The following GLIS3 variants were observed in gnomAD, a reference collection of about 807,000 sequenced individuals.
GLIS3 encodes the protein GLIS family zinc finger 3, also known as zinc finger protein GLIS3.
A neutral mutation model predicts 78.6 loss-of-function variants in GLIS3; 53 were observed. That is an observed-to-expected ratio of 0.67 (90% confidence interval 0.54 to 0.85). The LOEUF is 0.85. GLIS3 is among the 40% of genes least tolerant of loss of function. The pLI, the probability that GLIS3 is intolerant of heterozygous loss-of-function variation, is 0.00. For missense variants in GLIS3, 1,703 were observed against 1,231.1 expected (o/e 1.38, Z -5.74); for synonymous variants, 684 against 509.9 (o/e 1.34, Z -4.60).
chr9:3,958,262 G>T (rs1817289522), intron 4 of GLIS3, among the ~76,000 whole-genome samples: 1 of 152,074 alleles, frequency 6.6e-6, no homozygotes, highest in Non-Finnish European at 1.5e-5. Flanking sequence ...TTTTGAAGAT[G>T]AGAGGAAGAA....
At chr9:4,175,833 G>A (rs1380592141) in intron 2 of GLIS3, among the ~76,000 whole-genome samples, 2 of 151,892 alleles carry the variant, frequency 1.3e-5, no homozygotes, top group Admixed American at 6.5e-5. Flanking sequence ...TTTTTGGTTC[G>A]GTAACCCCAT....
intron 4 of GLIS3, among the ~76,000 whole-genome samples, chr9:3,993,913 T>C (rs1820529279): frequency 6.6e-6 from 1 of 152,198 alleles, no homozygotes; most frequent in South Asian, 2.1e-4. Context: ...TGCCTTATCT[T>C]TTCTGAACAC....
At chr9:4,405,749 C>T in the GLIS3 span, among the ~76,000 whole-genome samples, 2 of 151,682 alleles carry the variant, frequency 1.3e-5, no homozygotes, top group African/African-American at 4.8e-5. Context: ...ATACCAAAAC[C>T]AGACAAAGAC....
intron 4 of GLIS3, among the ~76,000 whole-genome samples, chr9:4,039,668 C>T (rs1192559427): frequency 6.6e-6 from 1 of 152,178 alleles, no homozygotes; most frequent in Non-Finnish European, 1.5e-5. Flanking sequence ...CTGCCTGGCT[C>T]CCAGCCAGTG....
At chr9:4,227,627 T>C (rs540996022) in intron 2 of GLIS3, among the ~76,000 whole-genome samples, 3 of 152,330 alleles carry the variant, frequency 2.0e-5, no homozygotes, top group Admixed American at 6.5e-5. Context: ...AACTCTGGAA[T>C]GTATAAAGTC....
intron 6 of GLIS3, among the ~76,000 whole-genome samples, chr9:3,917,186 G>T (rs983236270): frequency 2.0e-5 from 3 of 152,204 alleles, no homozygotes; most frequent in Non-Finnish European, 2.9e-5. Flanking sequence ...CTACCACAAA[G>T]TTAACTTAAC....
chr9:4,150,688 C>T (rs997618144), intron 2 of GLIS3, among the ~76,000 whole-genome samples: 6 of 152,138 alleles, frequency 3.9e-5, no homozygotes, highest in Non-Finnish European at 8.8e-5. Context: ...CTGCCCCCAC[C>T]ATGCTTTGAA....
intron 4 of GLIS3, among the ~76,000 whole-genome samples, chr9:4,039,716 C>G (rs963367985): frequency 6.6e-6 from 1 of 152,190 alleles, no homozygotes; most frequent in Admixed American, 6.5e-5. Context: ...TATGTGTTTT[C>G]CTCTACAATC....
chr9:4,019,845 G>GA (rs1822734816), intron 4 of GLIS3, among the ~76,000 whole-genome samples: 1 of 152,150 alleles, frequency 6.6e-6, no homozygotes, highest in Non-Finnish European at 1.5e-5. Flanking sequence ...CAATCCTCCT[G>GA]CCTCAGGCCA....
intron 4 of GLIS3, among the ~76,000 whole-genome samples, chr9:4,032,922 C>T (rs147959367): frequency 1.3e-5 from 2 of 151,508 alleles, no homozygotes; most frequent in South Asian, 2.1e-4. Context: ...GGCGCAATCT[C>T]GGCTCACTGC....
chr9:4,133,430 G>A (rs554399682), intron 2 of GLIS3, among the ~76,000 whole-genome samples: 5 of 152,246 alleles, frequency 3.3e-5, no homozygotes, highest in Admixed American at 6.5e-5. Context: ...GATATCACTC[G>A]ACACTTGGGT....
chr9:4,187,429 T>C (rs978316987), intron 2 of GLIS3, among the ~76,000 whole-genome samples: 6 of 152,214 alleles, frequency 3.9e-5, no homozygotes, highest in African/African-American at 1.2e-4. Flanking sequence ...TCAGGTAGCA[T>C]GATGCCTCCA....
chr9:4,179,682 G>A (rs547154469), intron 2 of GLIS3, among the ~76,000 whole-genome samples: 122 of 152,308 alleles, frequency 8.0e-4, no homozygotes, highest in African/African-American at 2.1e-3. Flanking sequence ...GGCTGAGGCA[G>A]GCAGATCAGC....
At chr9:4,482,939 A>C in the GLIS3 span, among the ~76,000 whole-genome samples, 24 of 152,308 alleles carry the variant, frequency 1.6e-4, no homozygotes, top group African/African-American at 5.5e-4. Context: ...AAAAGAGAGA[A>C]GCTAACATTT....
the GLIS3 span, among the ~76,000 whole-genome samples, chr9:4,443,417 C>T: frequency 6.6e-6 from 1 of 151,974 alleles, no homozygotes; most frequent in Non-Finnish European, 1.5e-5. Flanking sequence ...TGAATGAGAA[C>T]AAAAATGAAT....
chr9:4,342,295 A>C (rs1817843816), intron 2 of GLIS3, among the ~76,000 whole-genome samples: 1 of 152,184 alleles, frequency 6.6e-6, no homozygotes, highest in African/African-American at 2.4e-5. Flanking sequence ...ATCCAGGTTC[A>C]ATCTTCTGCA....
chr9:4,437,822 G>T, the GLIS3 span, among the ~76,000 whole-genome samples: 1 of 152,132 alleles, frequency 6.6e-6, no homozygotes, highest in Middle Eastern at 3.2e-3. Flanking sequence ...ACTTCTTAAT[G>T]AATAGTAAAT....
At chr9:4,015,845 C>T (rs1054735249) in intron 4 of GLIS3, among the ~76,000 whole-genome samples, 6 of 144,806 alleles carry the variant, frequency 4.1e-5, no homozygotes, top group East Asian at 4.1e-4. Flanking sequence ...GCTGAGATCA[C>T]GCCATTGCAC....
chr9:4,424,228 C>T, the GLIS3 span, among the ~76,000 whole-genome samples: 8 of 152,106 alleles, frequency 5.3e-5, no homozygotes, highest in Non-Finnish European at 1.0e-4. Context: ...ATGTAGGTTC[C>T]AGAGCTAGCT....
Sources: gnomAD v4.1 joint callset for allele counts (sites outside exome capture counted in the v4.1 genomes callset) on GRCh38, gnomAD v4.1.1 for gene constraint, MANE v1.5 for transcripts, NCBI Gene and HGNC (gene_info 2026-07-23, HGNC 2026-07-21) for gene names.